Variants in CCDC186 observed in about 807,000 individuals in gnomAD.
The protein encoded by CCDC186 is coiled-coil domain containing 186.
CCDC186 carries 49 observed loss-of-function variants against 113.7 expected under a neutral mutation model. The observed-to-expected ratio is 0.43, with a 90% CI of 0.34 to 0.55. The LOEUF is 0.55. Ranked by LOEUF, CCDC186 falls within the 20% of genes least tolerant of loss-of-function variation. The probability of loss-of-function intolerance (pLI) is 0.02; values close to 1 mark genes in which losing one functional copy is unlikely to be tolerated. For synonymous variants in CCDC186, 355 were observed against 345.8 expected, an observed-to-expected ratio of 1.03 and a Z score of -0.30; for missense variants, 890 against 1,011.1, an observed-to-expected ratio of 0.88 and a Z score of 1.62.
In CCDC186 at chr10:114,144,602, A is replaced by C. The variant is rs781013680; in HGVS notation, c.1116T>G (p.Thr372=). The C allele has an allele frequency of 1.9e-6, 3 of 1,610,116 alleles. No homozygotes were observed. In the South Asian group the frequency reaches 3.3e-5, roughly 18 times the overall value. ...ATTTGTCTATTTCTCTGATGAGTCT[A>C]GTCGTTTCGCCTTCCTAAAATAATA... ...QLYETKEGET[T]RLIREIDKLK... is the part of the protein sequence containing the mutation. The change falls in exon 6 of 16, where the codon ACT becomes ACG. Residue 372 remains threonine (T), a synonymous_variant. Transcript: ENST00000369287.
In CCDC186 at chr10:114,134,876, T is replaced by C. The variant is rs1457234596; in HGVS notation, c.1655+37A>G. ...AATCTTGAAATAAAATTTAAAAGCT[T>C]GCTTATTAATACAAACAGAAGTTGC... On this transcript the variant is annotated intron_variant, in intron 10 of 15. Coordinates refer to ENST00000369287, the MANE Select transcript of CCDC186 (RefSeq NM_018017.4). 5 of 1,558,358 alleles carry C rather than the reference T, an allele frequency of 3.2e-6. No individual in the cohort carries two copies. In the African/African-American group the frequency reaches 5.6e-5, roughly 18 times the overall value.
intron 15 of CCDC186, 90 bp from the exon 16 acceptor site, chr10:114,125,316 T>C: frequency 1.0e-6 from 1 of 987,044 alleles, no homozygotes; most frequent in Non-Finnish European, 1.5e-6. Context: ...TTGCCTAAAT[T>C]TTGGAAATGA....
chr10:114,152,320 T>G, intron 3 of CCDC186, among the ~76,000 whole-genome samples: 2 of 145,470 alleles, frequency 1.4e-5, no homozygotes, highest in African/African-American at 2.6e-5. Context: ...CCAGCCAGAG[T>G]GATGAGACCC....
Position 114,125,075 on chromosome 10 carries a change from C to T in CCDC186, c.*68G>A. 2 of 1,144,608 alleles carry T rather than the reference C, an allele frequency of 1.7e-6. No homozygotes were observed. The highest frequency in any genetic ancestry group is 1.4e-5 in the South Asian group (1 of 69,468). 70.9% of individuals were successfully genotyped at this position (1,144,608 alleles called of 1,614,324 possible). A position where few individuals can be genotyped will look rare whatever the true frequency, so the allele number is the denominator to read the frequency against. ...GAAACAAAAAGTGGAACAAAGTCTC[C>T]AACAATAGAGGTCAGTGGCACCTAC... On this transcript the variant is annotated 3_prime_UTR_variant, in exon 16 of 16. Transcript: ENST00000369287.
chr10:114,167,004 C>CTTGCAAGCT (rs1233892462), intron 1 of CCDC186, among the ~76,000 whole-genome samples: 1 of 147,856 alleles, frequency 6.8e-6, no homozygotes, highest in Non-Finnish European at 1.5e-5. Flanking sequence ...AACTACTTAG[C>CTTGCAAGCT]TTGCAAGCTG....
At chr10:114,173,170 TTC>T (rs2032564684) in intron 1 of CCDC186, 1 of 455,748 alleles carries the variant, frequency 2.2e-6, no homozygotes, top group African/African-American at 2.0e-5. Flanking sequence ...TTTTACTATA[TTC>T]TCTCTTCTGA....
Position 114,162,700 on chromosome 10 carries a change from G to T in CCDC186, c.569C>A (p.Ala190Glu). 2 of 1,611,932 alleles carry T rather than the reference G, an allele frequency of 1.2e-6. No individual in the cohort carries two copies. The highest frequency in any genetic ancestry group is 1.7e-6 in the Non-Finnish European group (2 of 1,179,400). ...VPNGMNKGEH[A>E]LVLFEKCVQD... is the part of the protein sequence containing the mutation. The stretch of plus-strand genomic sequence containing the variant: ...CACACACTTTTCAAACAGAACTAAT[G>T]CATGTTCTCCCTTATTCATTCCATT... Residue 190 changes from alanine to glutamate, a missense_variant, in exon 2 of 16, where the codon GCA becomes GAA. Physicochemically the swap from Ala to Glu is moderately radical, Grantham distance 107 (BLOSUM62 -1). Coordinates refer to ENST00000369287, the MANE Select transcript of CCDC186 (RefSeq NM_018017.4).
intron 6 of CCDC186, 33 bp downstream of exon 6, chr10:114,144,464 C>T: frequency 6.4e-7 from 1 of 1,572,948 alleles, no homozygotes; most frequent in Non-Finnish European, 8.6e-7. Context: ...AAAACTCATT[C>T]TAATCATTAT....
At chr10:114,153,648 T>C (rs1335318893) in intron 3 of CCDC186, among the ~76,000 whole-genome samples, 3 of 151,610 alleles carry the variant, frequency 2.0e-5, no homozygotes, top group Non-Finnish European at 4.4e-5. Flanking sequence ...TAGCTGGGCA[T>C]GGTGGCGGGT....
chr10:114,125,135 G>C lies in CCDC186; in HGVS notation c.*8C>G. On this transcript the variant is annotated 3_prime_UTR_variant, in exon 16 of 16. Coordinates refer to ENST00000369287, the MANE Select transcript of CCDC186 (RefSeq NM_018017.4). ...GCTTTTGTCTCTTTACTGAGCAAGA[G>C]GCTTGTTTTAGGTTTTCTTTGTCCT... 6.3e-7 allele frequency: 1 copy of C among 1,593,130 alleles called. No individual in the cohort carries two copies. Among genetic ancestry groups the C allele is most frequent in the Non-Finnish European group, 8.6e-7 (1 of 1,167,446 alleles).
rs2030822846 is a variant in CCDC186 at position 114,124,369 on chromosome 10, T to C, written c.*774A>G. 6.6e-6 allele frequency: 1 copy of C among 152,212 alleles called. No homozygotes were observed. Among genetic ancestry groups the C allele is most frequent in the Non-Finnish European group, 1.5e-5 (1 of 68,040 alleles). 9.4% of individuals were successfully genotyped at this position (152,212 alleles called of 1,614,324 possible). The stretch of plus-strand genomic sequence containing the variant: ...GTATTTCAGTTTCAAAGAACTATTC[T>C]CTCTGTTCTAATGATTGGATCCATT... On this transcript the variant is annotated 3_prime_UTR_variant, in exon 16 of 16. Coordinates refer to ENST00000369287, the MANE Select transcript of CCDC186 (RefSeq NM_018017.4).
chr10:114,145,341 T>C (rs34057636), intron 5 of CCDC186, among the ~76,000 whole-genome samples: 12,221 of 152,228 alleles, frequency 0.08, 572 homozygotes, highest in Middle Eastern at 0.14. Flanking sequence ...CAACACTTAT[T>C]TTTTCCCTAG....
chr10:114,126,540 G>A (rs906519500), intron 14 of CCDC186, among the ~76,000 whole-genome samples: 1 of 151,918 alleles, frequency 6.6e-6, no homozygotes, highest in Admixed American at 6.6e-5. Flanking sequence ...TTTTGAGATG[G>A]GGTCTTGCTA....
At position 114,149,648 on chromosome 10, in the gene CCDC186, CGAAG is replaced by C. The variant is rs1589621349; in HGVS notation, c.888+1440_888+1443del. Among the ~76,000 whole-genome samples, 13 of 64,520 alleles carry C rather than the reference CGAAG, an allele frequency of 2.0e-4. 1 individual carries two copies. The highest frequency in any genetic ancestry group is 1.7e-3 in the South Asian group (3 of 1,760). The allele number at this position is 64,520 out of a possible 152,430, so 42.3% of individuals were successfully genotyped here. ...GAAAGGGAGGGGAGGGGAGGGAATG[CGAAG>C]GAAGGAAGGAAGGAAAGGAGGGAAG... is the stretch of plus-strand genomic sequence containing the variant. On this transcript the variant is annotated intron_variant, in intron 4 of 15. Coordinates refer to ENST00000369287, the MANE Select transcript of CCDC186 (RefSeq NM_018017.4).
At chr10:114,164,546 A>G (rs2032279622) in intron 1 of CCDC186, among the ~76,000 whole-genome samples, 1 of 152,218 alleles carries the variant, frequency 6.6e-6, no homozygotes, top group Admixed American at 6.5e-5. Flanking sequence ...TGATAAAAAA[A>G]ATTGTTGACT....
In CCDC186 at chr10:114,127,673, TG is replaced by T. The variant is rs770409957; in HGVS notation, c.2183-3del. ...CACTGCTTCGAGCATTCAGGGACCC[TG>T]AAGACAAAAAAAATTGGTTTAGATA... On this transcript the variant is annotated splice_region_variant and splice_polypyrimidine_tract_variant and intron_variant, in intron 13 of 15. Transcript: ENST00000369287. 10 of 1,609,816 alleles carry T rather than the reference TG, an allele frequency of 6.2e-6. No homozygotes were observed. The Admixed American group carries it at 1.4e-4, about 22-fold the overall frequency.
Position 114,144,562 on chromosome 10 carries a change from T to A in CCDC186, c.1156A>T (p.Asn386Tyr). Reference sequence around the variant, plus strand: ...CACTTTACTTTGATGACGTGAGAGTTAATGTCTTCCTTTAATTTGTCTATT... The same window carrying A: ...CACTTTACTTTGATGACGTGAGAGTAAATGTCTTCCTTTAATTTGTCTATT... ...REIDKLKEDI[N>Y]SHVIKVKWAQ... The change falls in exon 6 of 16, where the codon AAC becomes TAC. Residue 386 changes from asparagine (N) to tyrosine (Y), a missense_variant. Asn to Tyr is a moderately radical substitution (Grantham distance 143). Coordinates refer to ENST00000369287, the MANE Select transcript of CCDC186 (RefSeq NM_018017.4). 6.2e-7 allele frequency: 1 copy of A among 1,613,256 alleles called. No homozygotes were observed. The highest frequency in any genetic ancestry group is 8.5e-7 in the Non-Finnish European group (1 of 1,179,364).
chr10:114,149,614 GAAGGGAAGGA>G (rs1234231252), intron 4 of CCDC186, among the ~76,000 whole-genome samples: 737 of 34,986 alleles, frequency 0.021, 36 homozygotes, highest in African/African-American at 0.078. Context: ...GAAGGGAAGG[GAAGGGAAGGA>G]AAGGGAGGGG....
At chr10:114,157,979 C>A (rs1313456437) in intron 2 of CCDC186, among the ~76,000 whole-genome samples, 2 of 152,192 alleles carry the variant, frequency 1.3e-5, no homozygotes, top group Non-Finnish European at 2.9e-5. Context: ...CAATTATGCA[C>A]CAATCCTGTC....
Sources: gnomAD v4.1 joint callset for allele counts (sites outside exome capture counted in the v4.1 genomes callset) on GRCh38, gnomAD v4.1.1 for gene constraint, MANE v1.5 for transcripts, NCBI Gene and HGNC (gene_info 2026-07-23, HGNC 2026-07-21) for gene names.